Variants in ARHGAP24 observed in about 807,000 individuals in gnomAD.
ARHGAP24 encodes rho GTPase-activating protein 24.
A neutral mutation model predicts 76.4 loss-of-function variants in ARHGAP24; 50 were observed. The observed-to-expected ratio is 0.65, with a 90% CI of 0.52 to 0.83. The LOEUF is 0.83. Ranked by LOEUF, ARHGAP24 falls within the 40% of genes least tolerant of loss-of-function variation. The pLI is 0.00. For synonymous variants in ARHGAP24, 345 were observed against 323.3 expected, an observed-to-expected ratio of 1.07 and a Z score of -0.72; for missense variants, 930 against 914.2, an observed-to-expected ratio of 1.02 and a Z score of -0.22.
chr4:85,919,438 C>T (rs1403977079), intron 3 of ARHGAP24, among the ~76,000 whole-genome samples: 1 of 152,114 alleles, frequency 6.6e-6, no homozygotes, highest in Non-Finnish European at 1.5e-5. Flanking sequence ...ATTATATCTA[C>T]ATAATTGTTT....
chr4:85,524,648 G>A (rs1399063056), intron 1 of ARHGAP24, among the ~76,000 whole-genome samples: 1 of 152,080 alleles, frequency 6.6e-6, no homozygotes, highest in Non-Finnish European at 1.5e-5. Context: ...ATCCAAATAT[G>A]GCTTAGTCCA....
intron 5 of ARHGAP24, among the ~76,000 whole-genome samples, chr4:85,958,809 A>G (rs937880290): frequency 1.3e-5 from 2 of 152,138 alleles, no homozygotes; most frequent in Admixed American, 1.3e-4. Context: ...TCTTATGCCC[A>G]TTTACTGTTA....
intron 6 of ARHGAP24, among the ~76,000 whole-genome samples, chr4:85,974,041 G>A (rs1237362503): frequency 7.1e-6 from 1 of 141,620 alleles, no homozygotes; most frequent in African/African-American, 2.6e-5. Flanking sequence ...ATTTTTAGTA[G>A]AGATGGGGGT....
chr4:85,541,691 G>A (rs1230678222), intron 1 of ARHGAP24, among the ~76,000 whole-genome samples: 1 of 152,070 alleles, frequency 6.6e-6, no homozygotes, highest in African/African-American at 2.4e-5. Flanking sequence ...TTGATAACAG[G>A]CTAGAAGTCA....
intron 1 of ARHGAP24, among the ~76,000 whole-genome samples, chr4:85,557,209 G>C (rs541788986): frequency 3.3e-5 from 5 of 152,110 alleles, no homozygotes; most frequent in Non-Finnish European, 7.4e-5. Flanking sequence ...GCCTTATCCT[G>C]CAAGGTGCAG....
Position 85,486,947 on chromosome 4 carries a change from T to C in ARHGAP24, c.-21+11388T>C, listed in dbSNP as rs1485914307. Among the ~76,000 whole-genome samples, 4 of 151,938 alleles carry C rather than the reference T, an allele frequency of 2.6e-5. No homozygotes were observed. In the South Asian group the frequency reaches 6.2e-4, roughly 24 times the overall value. On this transcript the variant is annotated intron_variant, in intron 1 of 9. Transcript: ENST00000395184. The stretch of plus-strand genomic sequence containing the variant: ...CCTGCATCTGTATTGGCTTTGTAAA[T>C]TCTGGGTCAGGCTAAGGATAAAGCT...
At chr4:85,615,617 G>C (rs2109999341) in intron 2 of ARHGAP24, among the ~76,000 whole-genome samples, 1 of 151,900 alleles carries the variant, frequency 6.6e-6, no homozygotes, top group East Asian at 1.9e-4. Flanking sequence ...TGTTATTTTT[G>C]GTAAGAAAAA....
At chr4:85,835,165 C>G (rs1302387771) in intron 3 of ARHGAP24, among the ~76,000 whole-genome samples, 1 of 151,980 alleles carries the variant, frequency 6.6e-6, no homozygotes, top group Non-Finnish European at 1.5e-5. Context: ...ATACCTCACT[C>G]TTGCCGACAC....
intron 3 of ARHGAP24, among the ~76,000 whole-genome samples, chr4:85,766,173 G>A (rs551695001): frequency 5.1e-4 from 77 of 152,008 alleles, no homozygotes; most frequent in Non-Finnish European, 9.6e-4. Context: ...CCTGAATATT[G>A]TGATTGAACC....
chr4:85,674,131 C>T (rs1050703340), intron 2 of ARHGAP24, among the ~76,000 whole-genome samples: 3 of 152,090 alleles, frequency 2.0e-5, no homozygotes, highest in Non-Finnish European at 4.4e-5. Context: ...TCATCAGAAC[C>T]ATCTGGAGGG....
chr4:85,999,693 G>A (rs965916465), intron 9 of ARHGAP24, among the ~76,000 whole-genome samples: 1 of 152,066 alleles, frequency 6.6e-6, no homozygotes, highest in Admixed American at 6.6e-5. Context: ...ATATGATTTG[G>A]ATCTTAGTGG....
At chr4:85,850,178 A>C (rs1560670592) in intron 3 of ARHGAP24, among the ~76,000 whole-genome samples, 2 of 152,056 alleles carry the variant, frequency 1.3e-5, no homozygotes, top group Non-Finnish European at 2.9e-5. Context: ...TAGACTTGGG[A>C]GGGTGTATGT....
chr4:85,654,426 T>A lies in ARHGAP24; in HGVS notation c.181-67459T>A, dbSNP rs373683690. The stretch of plus-strand genomic sequence containing the variant: ...CAACATGAATTTTGGGGGCAAACTT[T>A]AGTTCATAACACATACTTTTTATGA... On this transcript the variant is annotated intron_variant, in intron 2 of 9. Coordinates refer to ENST00000395184, the MANE Select transcript of ARHGAP24 (RefSeq NM_001025616.3). 8.4e-4 allele frequency among the ~76,000 whole-genome samples: 128 copies of A among 152,298 alleles called. 1 individual carries two copies. In the South Asian group the frequency reaches 0.025, roughly 30 times the overall value.
intron 3 of ARHGAP24, among the ~76,000 whole-genome samples, chr4:85,756,303 T>C (rs902501622): frequency 6.6e-6 from 1 of 152,212 alleles, no homozygotes; most frequent in Non-Finnish European, 1.5e-5. Flanking sequence ...AAAGAATACA[T>C]TTTTAGGAAC....
At chr4:85,569,448 G>A (rs1158841711) in intron 1 of ARHGAP24, among the ~76,000 whole-genome samples, 1 of 152,174 alleles carries the variant, frequency 6.6e-6, no homozygotes, top group Non-Finnish European at 1.5e-5. Context: ...CCCCCAGAAT[G>A]TCCACCTTCT....
chr4:85,695,829 C>T (rs1723846235), intron 2 of ARHGAP24, among the ~76,000 whole-genome samples: 1 of 152,124 alleles, frequency 6.6e-6, no homozygotes, highest in Non-Finnish European at 1.5e-5. Flanking sequence ...GTGTTTGTTA[C>T]TTCCTATCTC....
At chr4:85,481,202 T>C (rs1469033848) in intron 1 of ARHGAP24, among the ~76,000 whole-genome samples, 1 of 152,202 alleles carries the variant, frequency 6.6e-6, no homozygotes. Context: ...TTATATTTAA[T>C]CCAGATATTT....
intron 1 of ARHGAP24, among the ~76,000 whole-genome samples, chr4:85,554,135 A>G (rs1726255682): frequency 6.6e-6 from 1 of 152,060 alleles, no homozygotes; most frequent in Admixed American, 6.6e-5. Context: ...TAAGCCTTCA[A>G]TCTCTTCTGG....
chr4:85,862,703 G>A (rs542383877), intron 3 of ARHGAP24, among the ~76,000 whole-genome samples: 1 of 152,162 alleles, frequency 6.6e-6, no homozygotes, highest in African/African-American at 2.4e-5. Flanking sequence ...AACTCTATGT[G>A]CACTCGCACT....
Sources: gnomAD v4.1 joint callset for allele counts (sites outside exome capture counted in the v4.1 genomes callset) on GRCh38, gnomAD v4.1.1 for gene constraint, MANE v1.5 for transcripts, NCBI Gene and HGNC (gene_info 2026-07-23, HGNC 2026-07-21) for gene names.